The following RHOG variants were observed in gnomAD, a reference collection of about 807,000 sequenced individuals.
RHOG encodes rho-related GTP-binding protein RhoG.
Under a neutral mutation model 12.3 loss-of-function variants are expected in RHOG, and 1 was observed. That is an observed-to-expected ratio of 0.08 (90% CI 0.03 to 0.39). The LOEUF is 0.39. Ranked by LOEUF, RHOG falls within the 10% of genes least tolerant of loss-of-function variation. The pLI is 0.99. For missense variants in RHOG, 114 were observed against 266.2 expected (o/e 0.43, Z 3.98); for synonymous variants, 129 against 116.0 (o/e 1.11, Z -0.72).
At position 3,827,419 on chromosome 11, in the gene RHOG, A is replaced by C. The variant is rs2090085999; in HGVS notation, c.*144T>G. ...TCTGCAGGCCTCCTTAAGGAGAAAA[A>C]GGCACTCAGAGAAAAAGGCATTCAG... On this transcript the variant is annotated 3_prime_UTR_variant, in exon 2 of 2. Transcript: ENST00000351018. This position sits in a 1 kb window ranked among gnomAD's most constrained non-coding sequence, Gnocchi z 7.3. 1.5e-6 allele frequency: 1 copy of C among 655,112 alleles called. No individual in the cohort carries two copies. Among genetic ancestry groups the C allele is most frequent in the African/African-American group, 1.8e-5 (1 of 54,858 alleles). 40.6% of individuals were successfully genotyped at this position (655,112 alleles called of 1,614,324 possible).
intron 1 of RHOG, among the ~76,000 whole-genome samples, chr11:3,839,896 C>A (rs758544888): frequency 6.1e-4 from 92 of 151,978 alleles, no homozygotes; most frequent in Non-Finnish European, 1.0e-3. Flanking sequence ...TGCAGAGGAC[C>A]AAGACGAACA....
intron 1 of RHOG, among the ~76,000 whole-genome samples, chr11:3,838,855 A>T (rs151107568): frequency 2.0e-5 from 3 of 152,188 alleles, no homozygotes; most frequent in African/African-American, 7.2e-5. Context: ...GCCAGGATGG[A>T]CTGAAGTTAA....
At chr11:3,839,480 G>A (rs374332901) in intron 1 of RHOG, among the ~76,000 whole-genome samples, 38 of 121,370 alleles carry the variant, frequency 3.1e-4, no homozygotes, top group African/African-American at 1.1e-3. Flanking sequence ...AGACACGCGC[G>A]CGCGAACACA....
At position 3,829,248 on chromosome 11, in the gene RHOG, AATT is replaced by A. The variant is rs1565082247; in HGVS notation, c.-68-1045_-68-1043del. 8.4e-5 allele frequency among the ~76,000 whole-genome samples: 8 copies of A among 95,158 alleles called. 1 individual carries two copies. Among genetic ancestry groups the A allele is most frequent in the Non-Finnish European group, 1.2e-4 (5 of 41,002 alleles). The allele number at this position is 95,158 out of a possible 152,430, so 62.4% of individuals were successfully genotyped here. Reference sequence around the variant, plus strand: ...ATCCAGGGTATTCTGGCAATGGGGAAATTTTTTTTTTTTTTTTTTTTTGAGATG... The same window carrying A: ...ATCCAGGGTATTCTGGCAATGGGGAATTTTTTTTTTTTTTTTTTTGAGATG... On this transcript the variant is annotated intron_variant, in intron 1 of 1. Transcript: ENST00000351018.
intron 1 of RHOG, among the ~76,000 whole-genome samples, chr11:3,830,135 C>T (rs1449453352): frequency 6.6e-6 from 1 of 152,168 alleles, no homozygotes; most frequent in Non-Finnish European, 1.5e-5. Context: ...TGTCCATTTC[C>T]TGAGATCCTG....
At chr11:3,835,133 T>C (rs927739304) in intron 1 of RHOG, among the ~76,000 whole-genome samples, 1 of 152,192 alleles carries the variant, frequency 6.6e-6, no homozygotes, top group African/African-American at 2.4e-5. Context: ...TCTCTTGTTA[T>C]TAGAATGGGA....
intron 1 of RHOG, among the ~76,000 whole-genome samples, chr11:3,839,484 GAACA>G (rs751880369): frequency 2.3e-4 from 22 of 97,440 alleles, no homozygotes; most frequent in Non-Finnish European, 4.2e-4. Context: ...ACGCGCGCGC[GAACA>G]CACACACACA....
At chr11:3,828,622 ATTT>A (rs755612599) in intron 1 of RHOG, among the ~76,000 whole-genome samples, 2 of 125,746 alleles carry the variant, frequency 1.6e-5, no homozygotes, top group Non-Finnish European at 1.6e-5. Flanking sequence ...AGTATTAGCT[ATTT>A]TTTTTTTTTT....
intron 1 of RHOG, among the ~76,000 whole-genome samples, chr11:3,839,628 C>CACACACACACACACAG (rs57612245): frequency 4.7e-5 from 7 of 149,852 alleles, no homozygotes; most frequent in African/African-American, 1.7e-4. Context: ...CACACACACA[C>CACACACACACACACAG]AGGCTTTCCA....
At chr11:3,836,454 C>G (rs1161590955) in intron 1 of RHOG, among the ~76,000 whole-genome samples, 1 of 151,920 alleles carries the variant, frequency 6.6e-6, no homozygotes, top group Non-Finnish European at 1.5e-5. Context: ...TACATTGCAG[C>G]AGCAGGTAGG....
Position 3,827,559 on chromosome 11 carries a change from AG to A in RHOG, c.*3del. On this transcript the variant is annotated 3_prime_UTR_variant, in exon 2 of 2. Transcript: ENST00000351018. The surrounding 1 kb of genome is among the most constrained non-coding windows in gnomAD (Gnocchi z 7.3). ...AGGGGCAGCCTCCAAGCCAAGTGCC[AG>A]GGTCACAAGAGGATGCAGGACCGCC... The A allele has an allele frequency of 1.3e-6, 2 of 1,597,310 alleles. No individual in the cohort carries two copies. The highest frequency in any genetic ancestry group is 1.7e-6 in the Non-Finnish European group (2 of 1,174,680).
intron 1 of RHOG, chr11:3,837,697 G>A (rs1254146315): frequency 6.6e-6 from 1 of 152,210 alleles, no homozygotes; most frequent in Non-Finnish European, 1.5e-5. Context: ...GAGAAGGTGA[G>A]GATTCTAACT....
chr11:3,831,765 T>G (rs183378501), intron 1 of RHOG, among the ~76,000 whole-genome samples: 1 of 152,278 alleles, frequency 6.6e-6, no homozygotes, highest in East Asian at 1.9e-4. Flanking sequence ...AGCCTTGACA[T>G]TCAAAGCAGA....
At chr11:3,831,159 C>A (rs190893075) in intron 1 of RHOG, among the ~76,000 whole-genome samples, 51 of 152,252 alleles carry the variant, frequency 3.3e-4, no homozygotes, top group Non-Finnish European at 2.8e-4. Context: ...CCTTACCCCC[C>A]CAGCCTGGGC....
chr11:3,828,655 A>G (rs568796554), intron 1 of RHOG, among the ~76,000 whole-genome samples: 18 of 129,632 alleles, frequency 1.4e-4, no homozygotes, highest in East Asian at 4.3e-4. Flanking sequence ...ACAGAGTCTC[A>G]CTCTGTCACC....
chr11:3,839,364 C>G (rs1234882621), intron 1 of RHOG, among the ~76,000 whole-genome samples: 1 of 152,126 alleles, frequency 6.6e-6, no homozygotes, highest in Non-Finnish European at 1.5e-5. Flanking sequence ...TAACCACAAC[C>G]TCACTCACTG....
At chr11:3,835,241 G>A (rs769343321) in intron 1 of RHOG, among the ~76,000 whole-genome samples, 8 of 152,100 alleles carry the variant, frequency 5.3e-5, no homozygotes, top group Non-Finnish European at 1.2e-4. Flanking sequence ...GAATGAAGTC[G>A]ATGCAATCAT....
intron 1 of RHOG, among the ~76,000 whole-genome samples, chr11:3,831,889 C>T (rs976988555): frequency 6.6e-6 from 1 of 152,156 alleles, no homozygotes; most frequent in Non-Finnish European, 1.5e-5. Context: ...GAGGGAACTC[C>T]GGCTGGCTGT....
chr11:3,835,363 C>T (rs1451723), intron 1 of RHOG, among the ~76,000 whole-genome samples: 71,665 of 152,026 alleles, frequency 0.47, 18,351 homozygotes, highest in Non-Finnish European at 0.57. Context: ...ATCACAGCAA[C>T]CCCCTCTTCT....
Sources: allele counts gnomAD v4.1 joint callset (sites outside exome capture counted in the v4.1 genomes callset), GRCh38; gene constraint gnomAD v4.1.1; non-coding constraint Gnocchi (gnomAD v3.1); transcripts MANE v1.5; gene names NCBI Gene and HGNC (gene_info 2026-07-23, HGNC 2026-07-21).